The following ANKFN1 variants were observed in gnomAD, a reference collection of about 807,000 sequenced individuals.
ANKFN1 encodes the protein ankyrin repeat and fibronectin type III domain containing 1.
Under a neutral mutation model 108.7 loss-of-function variants are expected in ANKFN1, and 74 were observed. The observed-to-expected ratio is 0.68, with a 90% confidence interval of 0.56 to 0.83. The LOEUF (loss-of-function observed/expected upper bound fraction) is 0.83, where lower values mean the gene tolerates loss of function less well. Among genes scored for constraint, ANKFN1 ranks in the 40% least tolerant of loss-of-function variants. The pLI is 0.00. For synonymous variants in ANKFN1, 547 were observed against 516.2 expected (o/e 1.06, Z -0.81); for missense variants, 1,505 against 1,382.3 (o/e 1.09, Z -1.41).
At chr17:56,206,081 G>A (rs966239387) in intron 1 of ANKFN1, among the ~76,000 whole-genome samples, 3 of 152,102 alleles carry the variant, frequency 2.0e-5, no homozygotes, top group Non-Finnish European at 4.4e-5. Context: ...ACTTAAAGCT[G>A]ATGAAGTTTA....
intron 4 of ANKFN1, among the ~76,000 whole-genome samples, chr17:56,346,573 T>C (rs997104746): frequency 6.6e-6 from 1 of 151,876 alleles, no homozygotes; most frequent in African/African-American, 2.4e-5. Context: ...AATTTAGCCA[T>C]TTTTCTTGAA....
intron 3 of ANKFN1, among the ~76,000 whole-genome samples, chr17:56,251,525 A>C (rs940886339): frequency 3.3e-5 from 5 of 152,210 alleles, no homozygotes; most frequent in African/African-American, 1.2e-4. Flanking sequence ...ACTTAATTGC[A>C]CATAGATCAG....
At chr17:56,482,240 A>G in intron 17 of ANKFN1, 116 bp from the exon 18 acceptor site, 1 of 954,024 alleles carries the variant, frequency 1.0e-6, no homozygotes, top group Non-Finnish European at 1.5e-6. Context: ...GTTGTATAAA[A>G]ATTCCAAGCT....
intron 4 of ANKFN1, among the ~76,000 whole-genome samples, chr17:56,068,771 G>A (rs902727674): frequency 1.3e-5 from 2 of 152,158 alleles, no homozygotes; most frequent in Admixed American, 6.5e-5. Context: ...TGAGTTCTTT[G>A]AAGGTCACAC....
At chr17:56,462,449 C>T (rs867404534) in intron 14 of ANKFN1, among the ~76,000 whole-genome samples, 3 of 152,258 alleles carry the variant, frequency 2.0e-5, no homozygotes, top group African/African-American at 7.2e-5. Flanking sequence ...ACAAAATTAG[C>T]TGGGCGTGGT....
At chr17:56,346,450 C>T (rs2046102371) in intron 4 of ANKFN1, among the ~76,000 whole-genome samples, 2 of 151,596 alleles carry the variant, frequency 1.3e-5, no homozygotes, top group Non-Finnish European at 3.0e-5. Flanking sequence ...CTTGATGGGA[C>T]AGGCCACTGC....
chr17:56,395,839 C>T (rs900060921), intron 8 of ANKFN1, among the ~76,000 whole-genome samples: 2 of 152,054 alleles, frequency 1.3e-5, no homozygotes, highest in South Asian at 4.1e-4. Flanking sequence ...CAGAGCAAGA[C>T]TCTGACTCAA....
chr17:56,384,007 C>T (rs1453660154), intron 8 of ANKFN1, among the ~76,000 whole-genome samples: 8 of 152,090 alleles, frequency 5.3e-5, no homozygotes, highest in African/African-American at 9.7e-5. Context: ...ATACCAAAGC[C>T]GGGCAGAGAC....
Position 56,330,756 on chromosome 17 carries a change from C to G in ANKFN1, c.188+4401C>G, listed in dbSNP as rs1598414762. On this transcript the variant is annotated intron_variant, in intron 4 of 20. Transcript: ENST00000682825. The stretch of plus-strand genomic sequence containing the variant: ...ACTTTTTAATCCCTTGGGTCTATCA[C>G]AGGATACACAGGTTACAAAGTAGAT... 2.0e-5 allele frequency among the ~76,000 whole-genome samples: 3 copies of G among 152,162 alleles called. No homozygotes were observed. The South Asian group carries it at 6.2e-4, about 32-fold the overall frequency.
intron 3 of ANKFN1, among the ~76,000 whole-genome samples, chr17:56,308,972 A>C (rs1220377669): frequency 1.3e-5 from 2 of 152,164 alleles, no homozygotes; most frequent in African/African-American, 4.8e-5. Flanking sequence ...CTATTTGCTA[A>C]TATTGGTTAA....
At chr17:56,296,617 G>A (rs1257619992) in intron 3 of ANKFN1, among the ~76,000 whole-genome samples, 1 of 152,170 alleles carries the variant, frequency 6.6e-6, no homozygotes, top group Non-Finnish European at 1.5e-5. Context: ...CCAGGAGTCG[G>A]AGGTTGCAGT....
rs546426338 is a variant in ANKFN1 at position 56,514,549 on chromosome 17, G to A, written c.*3280G>A. On this transcript the variant is annotated 3_prime_UTR_variant, in exon 21 of 21. Transcript: ENST00000682825. ...AAGCTAAAACATCCTCTTAATTGGCGAGGGTGCCTGGGAGACAGTAATTAA... is the reference window on the plus strand; with the variant it reads ...AAGCTAAAACATCCTCTTAATTGGCAAGGGTGCCTGGGAGACAGTAATTAA... 1.5e-4 allele frequency among the ~76,000 whole-genome samples: 23 copies of A among 152,260 alleles called. No individual in the cohort carries two copies. Among genetic ancestry groups the A allele is most frequent in the African/African-American group, 5.1e-4 (21 of 41,548 alleles).
At chr17:56,443,228 C>T (rs964996057) in intron 10 of ANKFN1, among the ~76,000 whole-genome samples, 10 of 152,180 alleles carry the variant, frequency 6.6e-5, no homozygotes, top group South Asian at 4.1e-4. Flanking sequence ...CATGGTGGCT[C>T]ATGCCTGTAG....
At chr17:56,305,061 G>A (rs930131884) in intron 3 of ANKFN1, among the ~76,000 whole-genome samples, 20 of 152,136 alleles carry the variant, frequency 1.3e-4, no homozygotes, top group African/African-American at 4.8e-4. Context: ...TGCAGGGCTT[G>A]GGAGGCCTCA....
chr17:56,067,513 T>G (rs1185606420), intron 4 of ANKFN1, among the ~76,000 whole-genome samples: 1 of 152,154 alleles, frequency 6.6e-6, no homozygotes, highest in Non-Finnish European at 1.5e-5. Context: ...CTCCTTCCCC[T>G]TCCCTAAGAC....
intron 3 of ANKFN1, among the ~76,000 whole-genome samples, chr17:56,295,827 G>A (rs1389210416): frequency 6.6e-6 from 1 of 152,134 alleles, no homozygotes; most frequent in Non-Finnish European, 1.5e-5. Flanking sequence ...AGAGAGAAGA[G>A]GGGGGCCAAA....
At chr17:56,331,885 G>A (rs572179912) in intron 4 of ANKFN1, among the ~76,000 whole-genome samples, 2 of 152,160 alleles carry the variant, frequency 1.3e-5, no homozygotes, top group Non-Finnish European at 2.9e-5. Flanking sequence ...AGTCAAGGAA[G>A]AAAGGAAAAC....
At chr17:56,139,448 A>G (rs530255958) in intron 4 of ANKFN1, among the ~76,000 whole-genome samples, 1 of 152,170 alleles carries the variant, frequency 6.6e-6, no homozygotes, top group African/African-American at 2.4e-5. Flanking sequence ...TGCCATTAGA[A>G]TCAGGGGTTC....
At chr17:56,442,752 A>G in intron 9 of ANKFN1, 91 bp from the exon 10 acceptor site, 1 of 1,149,466 alleles carries the variant, frequency 8.7e-7, no homozygotes, top group South Asian at 1.5e-5. Context: ...GAAGGAGTTA[A>G]TCACACATAG....
Sources: gnomAD v4.1 joint callset for allele counts (sites outside exome capture counted in the v4.1 genomes callset) on GRCh38, gnomAD v4.1.1 for gene constraint, MANE v1.5 for transcripts, NCBI Gene and HGNC (gene_info 2026-07-23, HGNC 2026-07-21) for gene names.